NDUFC1: variants seen among roughly 807,000 people sequenced by gnomAD.
NDUFC1 encodes NADH dehydrogenase [ubiquinone] 1 subunit C1, mitochondrial.
Under a neutral mutation model 11.6 loss-of-function variants are expected in NDUFC1, and 11 were observed. The observed-to-expected ratio is 0.95, with a 90% confidence interval of 0.60 to 1.58. NDUFC1 has a LOEUF of 1.58. Among genes scored for constraint, NDUFC1 ranks in the 40% most tolerant of loss-of-function variants. NDUFC1 has a pLI of 0.00. For synonymous variants in NDUFC1, 52 were observed against 42.2 expected (o/e 1.23, Z -0.90); for missense variants, 112 against 93.0 (o/e 1.20, Z -0.84).
chr4:139,301,357 C>G (rs543978913), intron 1 of NDUFC1: 11 of 414,640 alleles, frequency 2.7e-5, no homozygotes, highest in African/African-American at 2.0e-4. Context: ...GCGGGGCCTG[C>G]CCCGACCCTC....
At chr4:139,295,690 T>C in intron 3 of NDUFC1, 42 bp downstream of exon 3, 1 of 1,525,274 alleles carries the variant, frequency 6.6e-7, no homozygotes, top group Non-Finnish European at 8.8e-7. Context: ...TTAGGAGGGG[T>C]AATCTGAGGG....
rs1424941812 is a variant in NDUFC1, at chr4:139,296,489, G to C, written c.-162-529C>G. Reference sequence around the variant, plus strand: ...CCTCATTAGCCCACCTAACAGACTTGGACCACCCTAGACCATAAGCTGTAG... The same window carrying C: ...CCTCATTAGCCCACCTAACAGACTTCGACCACCCTAGACCATAAGCTGTAG... On this transcript the variant is annotated intron_variant, in intron 2 of 5. Coordinates refer to ENST00000394223, the MANE Select transcript of NDUFC1 (RefSeq NM_001184989.2). The C allele has an allele frequency of 2.0e-5, 3 of 152,126 alleles. No homozygotes were observed. In the East Asian group the frequency reaches 5.8e-4, roughly 29 times the overall value. The allele number at this position is 152,126 out of a possible 1,614,324, so 9.4% of individuals were successfully genotyped here. A position where few individuals can be genotyped will look rare whatever the true frequency, so the allele number is the denominator to read the frequency against.
At chr4:139,301,546 G>T in intron 1 of NDUFC1, 1 of 574,392 alleles carries the variant, frequency 1.7e-6, no homozygotes, top group Middle Eastern at 4.7e-4. Flanking sequence ...GTGAACCGCC[G>T]ACGGAGACCC....
At chr4:139,292,681 G>T in intron 4 of NDUFC1, 72 bp from the exon 5 acceptor site, 1 of 989,754 alleles carries the variant, frequency 1.0e-6, no homozygotes, top group Non-Finnish European at 1.5e-6. Flanking sequence ...AAGGAATAAG[G>T]ATAGAAAAAA....
chr4:139,300,916 G>C (rs1265335693), intron 1 of NDUFC1: 5 of 152,176 alleles, frequency 3.3e-5, no homozygotes, highest in Non-Finnish European at 2.9e-5. Flanking sequence ...CTTCGGATCT[G>C]ACTAACTACC....
intron 1 of NDUFC1, chr4:139,301,336 T>TGAAATGATGGGCG (rs1487162646): frequency 2.5e-6 from 1 of 402,814 alleles, no homozygotes; most frequent in East Asian, 3.6e-5. Context: ...TACCACGCAC[T>TGAAATGATGGGCG]GAAATGATGG....
intron 1 of NDUFC1, among the ~76,000 whole-genome samples, chr4:139,298,438 CA>C (rs147060181): frequency 0.023 from 1,944 of 84,322 alleles, 11 homozygotes; most frequent in South Asian, 0.053. Flanking sequence ...AACTCTGTCT[CA>C]AAAAAAAAAA....
chr4:139,290,495 T>C (rs185124782), intron 5 of NDUFC1, among the ~76,000 whole-genome samples: 1 of 151,886 alleles, frequency 6.6e-6, no homozygotes, highest in East Asian at 1.9e-4. Flanking sequence ...GGCAGGGTGC[T>C]AATAGAAAAA....
chr4:139,294,320 C>T (rs745615629), intron 4 of NDUFC1, among the ~76,000 whole-genome samples: 6 of 152,118 alleles, frequency 3.9e-5, no homozygotes, highest in Admixed American at 1.3e-4. Flanking sequence ...TGATTAAAAC[C>T]TAATGGAAGT....
chr4:139,299,214 C>T (rs1048780259), intron 1 of NDUFC1, among the ~76,000 whole-genome samples: 4 of 151,600 alleles, frequency 2.6e-5, no homozygotes, highest in Admixed American at 2.0e-4. Flanking sequence ...GTGATCCGCC[C>T]GCCTCAGCCT....
At chr4:139,294,643 G>A (rs2110768165) in intron 4 of NDUFC1, among the ~76,000 whole-genome samples, 1 of 151,564 alleles carries the variant, frequency 6.6e-6, no homozygotes, top group East Asian at 2.0e-4. Context: ...GCTGAGGCAG[G>A]AGAATGGCGT....
intron 3 of NDUFC1, 114 bp downstream of exon 3, chr4:139,295,618 A>G: frequency 1.7e-6 from 2 of 1,177,352 alleles, no homozygotes; most frequent in Non-Finnish European, 2.3e-6. Context: ...TCTGCCGGCG[A>G]AGGTCACTGC....
intron 4 of NDUFC1, 72 bp from the exon 5 acceptor site, chr4:139,292,681 G>A: frequency 1.0e-6 from 1 of 989,758 alleles, no homozygotes; most frequent in Non-Finnish European, 1.5e-6. Flanking sequence ...AAGGAATAAG[G>A]ATAGAAAAAA....
At chr4:139,295,523 G>A (rs568473665) in intron 3 of NDUFC1, among the ~76,000 whole-genome samples, 4 of 152,348 alleles carry the variant, frequency 2.6e-5, no homozygotes, top group South Asian at 2.1e-4. Context: ...GAGTGGTCAG[G>A]TTGAACTTGG....
rs1348597705 is a variant in NDUFC1, at chr4:139,302,411, A to T, written c.-222+5T>A. 6.6e-6 allele frequency: 1 copy of T among 152,350 alleles called. No homozygotes were observed. The highest frequency in any genetic ancestry group is 1.5e-5 in the Non-Finnish European group (1 of 68,146). 9.4% of individuals were successfully genotyped at this position (152,350 alleles called of 1,614,324 possible). On this transcript the variant is annotated splice_donor_5th_base_variant and intron_variant, in intron 1 of 5. Coordinates refer to ENST00000394223, the MANE Select transcript of NDUFC1 (RefSeq NM_001184989.2). Reference sequence around the variant, plus strand: ...AGAAGGAAAGAAAGCTTTTCAAACGACTACCTCCTTGTAGTCAGTTGCATA... The same window carrying T: ...AGAAGGAAAGAAAGCTTTTCAAACGTCTACCTCCTTGTAGTCAGTTGCATA...
intron 1 of NDUFC1, among the ~76,000 whole-genome samples, chr4:139,298,869 C>T (rs1003701350): frequency 1.3e-5 from 2 of 151,938 alleles, no homozygotes; most frequent in African/African-American, 4.8e-5. Context: ...GAGACAGGGT[C>T]TCACTATGTT....
In NDUFC1 at chr4:139,292,552, A is replaced by C; in HGVS notation, c.229T>G (p.Ter77GluextTer7). 1 of 1,550,088 alleles carries C rather than the reference A, an allele frequency of 6.5e-7. No homozygotes were observed. Among genetic ancestry groups the C allele is most frequent in the Non-Finnish European group, 8.9e-7 (1 of 1,129,120 alleles). ...TACTACATTAGTGTTTCAAAAGTTT[A>C]TTCCAGCCCATTTCTTCTTTTGTAC... Reference protein sequence around the residue: ...LEYKRRNGLE* With the variant: ...LEYKRRNGLEE The change falls in exon 5 of 6, where the codon TAA becomes GAA. Residue 77 changes from the stop codon to glutamate (E), a stop_lost. Coordinates refer to ENST00000394223, the MANE Select transcript of NDUFC1 (RefSeq NM_001184989.2).
chr4:139,292,130 C>A (rs1745250568), intron 5 of NDUFC1, among the ~76,000 whole-genome samples: 1 of 152,252 alleles, frequency 6.6e-6, no homozygotes, highest in South Asian at 2.1e-4. Context: ...AGCCACCGCG[C>A]CTGGCAGATT....
At chr4:139,295,201 A>T in intron 3 of NDUFC1, 55 bp from the exon 4 acceptor site, 1 of 1,370,578 alleles carries the variant, frequency 7.3e-7, no homozygotes, top group Non-Finnish European at 1.0e-6. Flanking sequence ...TAGGGAAAAA[A>T]CCCTAACATT....
Sources: allele counts gnomAD v4.1 joint callset (sites outside exome capture counted in the v4.1 genomes callset), GRCh38; gene constraint gnomAD v4.1.1; transcripts MANE v1.5; gene names NCBI Gene and HGNC (gene_info 2026-07-23, HGNC 2026-07-21).